TTC6: variants seen among roughly 807,000 people sequenced by gnomAD.
TTC6 encodes the protein tetratricopeptide repeat domain 6.
TTC6 carries 172 observed loss-of-function variants against 210.4 expected under a neutral mutation model. The ratio of observed to expected loss-of-function variants is 0.82; its 90% CI spans 0.72 to 0.93. The LOEUF (loss-of-function observed/expected upper bound fraction) is 0.93, where lower values mean the gene tolerates loss of function less well. Among genes scored for constraint, TTC6 ranks in the 40% least tolerant of loss-of-function variants. TTC6 has a pLI of 0.00. For missense variants in TTC6, 2,414 were observed against 2,318.1 expected (o/e 1.04, Z -0.85); for synonymous variants, 804 against 819.6 (o/e 0.98, Z 0.32).
intron 7 of TTC6, among the ~76,000 whole-genome samples, chr14:37,727,460 A>AT (rs374962072): frequency 2.9e-3 from 434 of 151,402 alleles, no homozygotes; most frequent in African/African-American, 9.1e-3. Flanking sequence ...TGCCTGGCTA[A>AT]TTTTTTGTAT....
intron 1 of TTC6, among the ~76,000 whole-genome samples, chr14:37,630,164 G>A (rs557399813): frequency 2.5e-4 from 38 of 152,090 alleles, no homozygotes; most frequent in Admixed American, 1.8e-3. Context: ...TCTTTTAACC[G>A]TCATGTTAGG....
chr14:37,691,253 C>T (rs2095803065), intron 3 of TTC6, among the ~76,000 whole-genome samples: 1 of 152,094 alleles, frequency 6.6e-6, no homozygotes, highest in African/African-American at 2.4e-5. Context: ...TTGTTTGAAA[C>T]CGGCAGTTGG....
chr14:37,785,582 G>T (rs1489301806), intron 14 of TTC6, among the ~76,000 whole-genome samples: 1 of 152,190 alleles, frequency 6.6e-6, no homozygotes, highest in Non-Finnish European at 1.5e-5. Flanking sequence ...TTAGCTCAGA[G>T]AAGTTTGTTT....
chr14:37,722,544 T>A (rs1051997753), intron 6 of TTC6, among the ~76,000 whole-genome samples: 8 of 152,292 alleles, frequency 5.3e-5, no homozygotes, highest in African/African-American at 1.7e-4. Flanking sequence ...GGTCTTACTA[T>A]GTTGCTCAAG....
intron 5 of TTC6, among the ~76,000 whole-genome samples, chr14:37,712,024 C>T (rs755554409): frequency 5.3e-5 from 8 of 151,984 alleles, no homozygotes; most frequent in South Asian, 4.2e-4. Flanking sequence ...AGGGAAAATC[C>T]GGATAAAAAT....
At chr14:37,838,006 T>C (rs1173679765) in intron 29 of TTC6, among the ~76,000 whole-genome samples, 1 of 152,176 alleles carries the variant, frequency 6.6e-6, no homozygotes. Context: ...CATCTGCAAC[T>C]TTAGCAACAA....
intron 1 of TTC6, among the ~76,000 whole-genome samples, chr14:37,635,073 TCTC>T (rs1305300431): frequency 2.6e-5 from 4 of 152,190 alleles, no homozygotes; most frequent in Admixed American, 1.3e-4. Flanking sequence ...AGATTTTCCT[TCTC>T]CTCTTGCGTT....
intron 28 of TTC6, 74 bp downstream of exon 30, chr14:37,826,421 T>C (rs1244308548): frequency 3.8e-6 from 5 of 1,299,686 alleles, no homozygotes; most frequent in Non-Finnish European, 5.1e-6. Flanking sequence ...AGTAAGAAGT[T>C]CTCTGTTAGC....
intron 1 of TTC6, among the ~76,000 whole-genome samples, chr14:37,664,500 C>A (rs2138429986): frequency 6.7e-6 from 1 of 150,330 alleles, no homozygotes; most frequent in African/African-American, 2.4e-5. Context: ...CAAAAATTAA[C>A]TCAAGATGGA....
intron 14 of TTC6, among the ~76,000 whole-genome samples, chr14:37,764,152 T>C (rs1478548262): frequency 6.6e-6 from 1 of 152,152 alleles, no homozygotes; most frequent in Non-Finnish European, 1.5e-5. Flanking sequence ...CTTTGTATGA[T>C]CCATCTTTAA....
chr14:37,597,034 T>TG lies in TTC6; in HGVS notation c.-235+1033dup, dbSNP rs1298278763. ...TTTTTTTTTTTTTTTACAAAAAGGG[T>TG]GGGGGGGTAGAAACGTCACATCATA... is the stretch of plus-strand genomic sequence containing the variant. On this transcript the variant is annotated intron_variant, in intron 1 of 2. Coordinates refer to the TTC6 transcript ENST00000556845. 6.0e-4 allele frequency among the ~76,000 whole-genome samples: 74 copies of TG among 122,820 alleles called. 2 individuals carry two copies. In the South Asian group the frequency reaches 7.0e-3, roughly 12 times the overall value. The allele number at this position is 122,820 out of a possible 152,430, so 80.6% of individuals were successfully genotyped here.
chr14:37,659,044 C>T (rs1206167852), intron 1 of TTC6, among the ~76,000 whole-genome samples: 1 of 152,090 alleles, frequency 6.6e-6, no homozygotes, highest in African/African-American at 2.4e-5. Context: ...TTTTTCTGTT[C>T]CTGTATTCGT....
exon 12 of TTC6, chr14:37,749,777 C>A: frequency 6.9e-7 from 1 of 1,459,326 alleles, no homozygotes; most frequent in Non-Finnish European, 9.0e-7. Context: ...TTATCTTTTC[C>A]AAGACAAAAT....
chr14:37,823,065 A>G (rs983992853), intron 26 of TTC6, among the ~76,000 whole-genome samples: 1 of 152,180 alleles, frequency 6.6e-6, no homozygotes, highest in Non-Finnish European at 1.5e-5. Flanking sequence ...ATTATTAGAT[A>G]TGCATATGAA....
chr14:37,803,266 C>G (rs1187144384), intron 20 of TTC6, among the ~76,000 whole-genome samples: 3 of 152,174 alleles, frequency 2.0e-5, no homozygotes, highest in African/African-American at 4.8e-5. Context: ...GTTCTGCTTT[C>G]TAGATACTTC....
intron 1 of TTC6, among the ~76,000 whole-genome samples, chr14:37,638,222 T>C (rs1476788712): frequency 1.3e-5 from 2 of 152,214 alleles, no homozygotes; most frequent in African/African-American, 2.4e-5. Flanking sequence ...AGATACTTTA[T>C]GATTACATTT....
At chr14:37,789,710 C>T (rs889915209) in intron 15 of TTC6, among the ~76,000 whole-genome samples, 2 of 150,026 alleles carry the variant, frequency 1.3e-5, no homozygotes, top group Non-Finnish European at 3.0e-5. Context: ...TGTGAAAGTA[C>T]ACTCTATGAT....
At chr14:37,834,443 C>T (rs545785396) in intron 29 of TTC6, among the ~76,000 whole-genome samples, 1 of 151,988 alleles carries the variant, frequency 6.6e-6, no homozygotes, top group African/African-American at 2.4e-5. Context: ...AATTATTTCT[C>T]CTATTTTACT....
chr14:37,598,340 G>A lies in TTC6; in HGVS notation c.-235+2332G>A, dbSNP rs1355546593. 1.3e-5 allele frequency among the ~76,000 whole-genome samples: 2 copies of A among 152,162 alleles called. No homozygotes were observed. Among genetic ancestry groups the A allele is most frequent in the African/African-American group, 4.8e-5 (2 of 41,452 alleles). On this transcript the variant is annotated intron_variant, in intron 1 of 2. Transcript: ENST00000556845. This position sits in a 1 kb window ranked among gnomAD's most constrained non-coding sequence, Gnocchi z 4.9. ...AGACGGGTCTGCGACAGCTTGGGGC[G>A]GTCCAGGTCGCGGGGAGGGCGGGCT...
Sources: allele counts gnomAD v4.1 joint callset (sites outside exome capture counted in the v4.1 genomes callset), GRCh38; gene constraint gnomAD v4.1.1; non-coding constraint Gnocchi (gnomAD v3.1); transcripts MANE v1.5; gene names NCBI Gene and HGNC (gene_info 2026-07-23, HGNC 2026-07-21).